GPR107: variants seen among roughly 807,000 people sequenced by gnomAD.
The protein encoded by GPR107 is protein GPR107.
A neutral mutation model predicts 75.5 loss-of-function variants in GPR107; 31 were observed. The observed-to-expected ratio is 0.41, with a 90% confidence interval of 0.31 to 0.55. The LOEUF (loss-of-function observed/expected upper bound fraction) is 0.55. GPR107 is among the 20% of genes least tolerant of loss of function. The pLI is 0.26. For missense variants in GPR107, 572 were observed against 665.7 expected (o/e 0.86, Z 1.55); for synonymous variants, 267 against 251.3 (o/e 1.06, Z -0.59).
intron 17 of GPR107, among the ~76,000 whole-genome samples, chr9:130,134,190 T>A (rs930699145): frequency 2.6e-4 from 39 of 152,218 alleles, no homozygotes; most frequent in Non-Finnish European, 4.9e-4. Context: ...TCTGCCTAGT[T>A]CTGCTACTCA....
chr9:130,074,881 C>G (rs537005243), intron 1 of GPR107, among the ~76,000 whole-genome samples: 2 of 151,416 alleles, frequency 1.3e-5, no homozygotes, highest in South Asian at 2.1e-4. Context: ...CAGCTTCAGC[C>G]GCTCCTTTTC....
rs554115421 is a variant in GPR107, at chr9:130,063,923, G to T, written c.141+9850G>T. 1.1e-4 allele frequency among the ~76,000 whole-genome samples: 16 copies of T among 150,884 alleles called. No homozygotes were observed. In the East Asian group the frequency reaches 3.1e-3, roughly 29 times the overall value. On this transcript the variant is annotated intron_variant, in intron 1 of 17. Coordinates refer to ENST00000347136, the MANE Select transcript of GPR107 (RefSeq NM_020960.5). ...AGATTCAAGTGAATCTCTTGCCTCA[G>T]CCTCCCAAGTAGCTGGGACTACAGG... is the stretch of plus-strand genomic sequence containing the variant.
In GPR107 at chr9:130,116,399, GAGA is replaced by G. The variant is rs1831429988; in HGVS notation, c.1307-8513_1307-8511del. Among the ~76,000 whole-genome samples, 3 of 152,214 alleles carry G rather than the reference GAGA, an allele frequency of 2.0e-5. 1 individual carries two copies. The South Asian group carries it at 6.2e-4, about 32-fold the overall frequency. ...TTAGGGAAGGTCAGATTCTCTTGCTGAGAAGGTTTTGCCTGCTATTAACCAGCC... is the reference window on the plus strand; with the variant it reads ...TTAGGGAAGGTCAGATTCTCTTGCTGAGGTTTTGCCTGCTATTAACCAGCC... On this transcript the variant is annotated intron_variant, in intron 14 of 17. Transcript: ENST00000347136.
chr9:130,131,259 G>A (rs1371403009), intron 17 of GPR107, among the ~76,000 whole-genome samples: 11 of 152,086 alleles, frequency 7.2e-5, no homozygotes, highest in South Asian at 2.1e-4. Flanking sequence ...CGTTGCGGGC[G>A]CCCTGTCTGC....
chr9:130,076,281 C>A (rs1041656003), intron 2 of GPR107, 131 bp from the exon 3 acceptor site: 29 of 581,970 alleles, frequency 5.0e-5, no homozygotes, highest in Non-Finnish European at 3.1e-5. Flanking sequence ...TTTTACTTTG[C>A]CTTCTTACAA....
At chr9:130,069,238 C>T (rs1830140013) in intron 1 of GPR107, among the ~76,000 whole-genome samples, 1 of 152,106 alleles carries the variant, frequency 6.6e-6, no homozygotes, top group South Asian at 2.1e-4. Flanking sequence ...GTTGTAAGAA[C>T]TTGAGGTGAT....
Position 130,104,473 on chromosome 9 carries a change from T to C in GPR107, c.1185T>C (p.Thr395=), listed in dbSNP as rs139245959. 3.7e-6 allele frequency: 6 copies of C among 1,612,910 alleles called. No individual in the cohort carries two copies. In the African/African-American group the frequency reaches 5.3e-5, roughly 14 times the overall value. The change falls in exon 13 of 18, where the codon ACT becomes ACC. Residue 395 remains threonine (T), a synonymous_variant. Transcript: ENST00000347136. ...TAGAGTCCACCGAGGAGGGCACGAC[T>C]GAATATGGCTTGTGGAAGGACTCTC... ...IIIESTEEGT[T]EYGLWKDSLF...
intron 1 of GPR107, among the ~76,000 whole-genome samples, chr9:130,058,087 C>G (rs953109179): frequency 6.6e-6 from 1 of 152,130 alleles, no homozygotes; most frequent in African/African-American, 2.4e-5. Context: ...CCTCGGCCTC[C>G]CAAAGTGCTG....
intron 1 of GPR107, among the ~76,000 whole-genome samples, chr9:130,074,455 T>C (rs1347798719): frequency 6.6e-6 from 1 of 152,148 alleles, no homozygotes; most frequent in Non-Finnish European, 1.5e-5. Context: ...ATATAAAAAT[T>C]GTTACACAAC....
intron 5 of GPR107, among the ~76,000 whole-genome samples, chr9:130,080,989 C>T (rs1408572141): frequency 6.6e-6 from 1 of 150,508 alleles, no homozygotes; most frequent in African/African-American, 2.4e-5. Context: ...GTGGGAGGAT[C>T]ACTTGAGTCT....
At chr9:130,061,695 G>A (rs746173920) in intron 1 of GPR107, among the ~76,000 whole-genome samples, 19 of 152,202 alleles carry the variant, frequency 1.2e-4, no homozygotes, top group African/African-American at 3.6e-4. Context: ...TGTAATCCCA[G>A]CACTTTGAGA....
intron 7 of GPR107, among the ~76,000 whole-genome samples, chr9:130,088,216 T>G (rs1328944133): frequency 6.6e-6 from 1 of 152,146 alleles, no homozygotes; most frequent in Non-Finnish European, 1.5e-5. Flanking sequence ...TCTCAGCTCC[T>G]GTTGTTCACA....
chr9:130,055,234 G>A (rs1012054872), intron 1 of GPR107, among the ~76,000 whole-genome samples: 16 of 151,962 alleles, frequency 1.1e-4, no homozygotes, highest in Non-Finnish European at 2.4e-4. Context: ...TTGGGAGGCC[G>A]AGGCAGGCAG....
chr9:130,063,994 G>A (rs545067014), intron 1 of GPR107, among the ~76,000 whole-genome samples: 3 of 150,980 alleles, frequency 2.0e-5, no homozygotes, highest in Non-Finnish European at 3.0e-5. Flanking sequence ...TAGTAGAGAC[G>A]GGGTTACACC....
chr9:130,086,447 CATA>C lies in GPR107; in HGVS notation c.598_600del (p.Asn200del). The C allele has an allele frequency of 3.2e-6, 5 of 1,555,180 alleles. No homozygotes were observed. Among genetic ancestry groups the C allele is most frequent in the Non-Finnish European group, 4.4e-6 (5 of 1,126,562 alleles). On this transcript the variant is annotated inframe_deletion, in exon 7 of 18. Coordinates refer to ENST00000347136, the MANE Select transcript of GPR107 (RefSeq NM_020960.5). ...CATGGGAGAGAAATCCTTTTCTGTT[CATA>C]ATAATGGTGGGGCAGTGTCATTTCA...
chr9:130,065,642 C>G lies in GPR107; in HGVS notation c.142-9994C>G, dbSNP rs150899712. Among the ~76,000 whole-genome samples the G allele has an allele frequency of 8.2e-3, 1,208 of 146,770 alleles. 7 individuals are homozygous for G. Among genetic ancestry groups the G allele is most frequent in the Middle Eastern group, 0.016 (4 of 256 alleles). ...ATTAGCCCGGCGTGGTGGCAGGTGT[C>G]TCTAGTCCCAGCTACTTGGGAGGCT... On this transcript the variant is annotated intron_variant, in intron 1 of 17. Transcript: ENST00000347136.
chr9:130,120,110 G>A (rs1240430286), intron 14 of GPR107, among the ~76,000 whole-genome samples: 1 of 152,186 alleles, frequency 6.6e-6, no homozygotes, highest in Non-Finnish European at 1.5e-5. Flanking sequence ...GCTGGGTTTT[G>A]GAAACAACTG....
intron 6 of GPR107, among the ~76,000 whole-genome samples, chr9:130,084,045 A>AATATATATATATAT (rs1830553746): frequency 6.9e-5 from 1 of 14,390 alleles, no homozygotes; most frequent in African/African-American, 1.9e-4. Flanking sequence ...ACAGAGAGCT[A>AATATATATATATAT]ACATATATAT....
intron 17 of GPR107, among the ~76,000 whole-genome samples, chr9:130,134,217 C>T (rs781917125): frequency 1.3e-5 from 2 of 152,224 alleles, no homozygotes; most frequent in African/African-American, 2.4e-5. Flanking sequence ...CACCCAGTTC[C>T]CTCATAGACC....
Sources: gnomAD v4.1 joint callset for allele counts (sites outside exome capture counted in the v4.1 genomes callset) on GRCh38, gnomAD v4.1.1 for gene constraint, MANE v1.5 for transcripts, NCBI Gene and HGNC (gene_info 2026-07-23, HGNC 2026-07-21) for gene names.